INSR: variants seen among roughly 807,000 people sequenced by gnomAD.
INSR encodes the protein IR.
In INSR, 67 loss-of-function variants were observed where a neutral mutation model predicts 142.6. The observed-to-expected ratio is 0.47, with a 90% CI of 0.39 to 0.58. The LOEUF is 0.58. INSR is among the 20% of genes least tolerant of loss of function. INSR has a pLI of 0.00. For missense variants in INSR, 1,248 were observed against 1,833.2 expected, an observed-to-expected ratio of 0.68 and a Z score of 5.83; for synonymous variants, 756 against 743.1, an observed-to-expected ratio of 1.02 and a Z score of -0.28.
intron 11 of INSR, among the ~76,000 whole-genome samples, chr19:7,149,936 A>AGAAGGAAGGAAGGAAGGAAGGAAG (rs71177162): frequency 9.4e-4 from 135 of 144,260 alleles, no homozygotes; most frequent in African/African-American, 3.3e-3. Context: ...AAAAAAAGAA[A>AGAAGGAAGGAAGGAAGGAAGGAAG]GAAGGAAGGA....
intron 2 of INSR, among the ~76,000 whole-genome samples, chr19:7,262,333 G>A (rs1265917188): frequency 5.3e-5 from 8 of 152,170 alleles, no homozygotes; most frequent in Non-Finnish European, 1.0e-4. Context: ...TTAACTGGGC[G>A]TGGTGGCAGG....
Position 7,125,576 on chromosome 19 carries a change from C to A in INSR, c.3014-49G>T, listed in dbSNP as rs571513918. The A allele has an allele frequency of 6.2e-7, 1 of 1,605,536 alleles. No homozygotes were observed. Among genetic ancestry groups the A allele is most frequent in the South Asian group, 1.1e-5 (1 of 90,836 alleles). ...CATCCTTGGAGGATCCCTTGGGGGT[C>A]TGCAGCCACCTTCCACCCAAGCCCT... On this transcript the variant is annotated intron_variant, in intron 16 of 21. Coordinates refer to ENST00000302850, the MANE Select transcript of INSR (RefSeq NM_000208.4). The surrounding 1 kb of genome is among the most constrained non-coding windows in gnomAD (Gnocchi z 4.9).
intron 6 of INSR, among the ~76,000 whole-genome samples, chr19:7,170,067 C>T (rs890439334): frequency 3.3e-5 from 5 of 152,096 alleles, no homozygotes; most frequent in African/African-American, 1.2e-4. Flanking sequence ...CAGGGCTGTA[C>T]AGCAGGAGGT....
intron 1 of INSR, chr19:7,268,399 T>C: frequency 1.0e-6 from 1 of 983,056 alleles, no homozygotes. Context: ...AATCAAGACC[T>C]AATTACCTTT....
intron 2 of INSR, among the ~76,000 whole-genome samples, chr19:7,191,916 C>A (rs1421698731): frequency 3.4e-5 from 4 of 119,078 alleles, no homozygotes; most frequent in Non-Finnish European, 3.4e-5. Context: ...AAGAGAAAGA[C>A]AGAAAGAAGG....
chr19:7,174,799 C>G, intron 3 of INSR, 68 bp from the exon 4 acceptor site: 1 of 1,477,044 alleles, frequency 6.8e-7, no homozygotes, highest in East Asian at 2.4e-5. Flanking sequence ...CAAGGTCCTT[C>G]AGACATCTCA....
At chr19:7,118,914 CAAAAAAAAAAAAA>C in intron 21 of INSR, among the ~76,000 whole-genome samples, 1 of 68,886 alleles carries the variant, frequency 1.5e-5, no homozygotes, top group East Asian at 4.1e-4. Flanking sequence ...GATTCCGTCT[CAAAAAAAAAAAAA>C]AAAAAAAAAA....
At chr19:7,215,778 T>C (rs942208723) in intron 2 of INSR, among the ~76,000 whole-genome samples, 1 of 151,594 alleles carries the variant, frequency 6.6e-6, no homozygotes, top group Non-Finnish European at 1.5e-5. Flanking sequence ...CATGTTGGCC[T>C]GGCTGGTCTC....
In INSR at chr19:7,119,550, G is replaced by A; in HGVS notation, c.3693C>T (p.Ser1231=). Residue 1231 remains serine (S), a synonymous_variant, in exon 21 of 22, where the codon AGC becomes AGT. Coordinates refer to ENST00000302850, the MANE Select transcript of INSR (RefSeq NM_000208.4). The surrounding 1 kb of genome is among the most constrained non-coding windows in gnomAD (Gnocchi z 5.2). The part of the protein sequence containing the change: ...SFGVVLWEIT[S]LAEQPYQGLS... ...GGCCTTGGTAAGGCTGTTCTGCCAA[G>A]CTGGTGATTTCCCAAAGGACCACGC... The A allele has an allele frequency of 6.2e-7, 1 of 1,614,134 alleles. No individual in the cohort carries two copies. Among genetic ancestry groups the A allele is most frequent in the Middle Eastern group, 1.7e-4 (1 of 6,058 alleles).
At chr19:7,165,666 C>T (rs573201412) in intron 8 of INSR, among the ~76,000 whole-genome samples, 1 of 152,012 alleles carries the variant, frequency 6.6e-6, no homozygotes, top group East Asian at 1.9e-4. Flanking sequence ...GGTTCAAGAC[C>T]AGCCTGGGTA....
intron 8 of INSR, among the ~76,000 whole-genome samples, chr19:7,165,351 A>G (rs969999254): frequency 2.6e-5 from 4 of 152,104 alleles, no homozygotes; most frequent in Non-Finnish European, 5.9e-5. Context: ...ACAACAAAAC[A>G]AAAAGAAGTA....
intron 2 of INSR, among the ~76,000 whole-genome samples, chr19:7,198,553 G>T (rs1974858077): frequency 6.6e-6 from 1 of 152,122 alleles, no homozygotes; most frequent in Admixed American, 6.5e-5. Flanking sequence ...GACTGCCGAG[G>T]GGCCCCCTGA....
chr19:7,140,300 T>C (rs1347030540), intron 13 of INSR, among the ~76,000 whole-genome samples: 1 of 152,232 alleles, frequency 6.6e-6, no homozygotes, highest in African/African-American at 2.4e-5. Context: ...TGGCAAACTC[T>C]GGCCCACCAA....
intron 3 of INSR, among the ~76,000 whole-genome samples, chr19:7,181,934 C>G (rs915980843): frequency 1.2e-4 from 18 of 152,168 alleles, no homozygotes; most frequent in Non-Finnish European, 2.6e-4. Flanking sequence ...TCAAGAACTC[C>G]TTCCCAGATA....
At chr19:7,236,266 C>CA (rs1976156742) in intron 2 of INSR, among the ~76,000 whole-genome samples, 1 of 151,948 alleles carries the variant, frequency 6.6e-6, no homozygotes, top group South Asian at 2.1e-4. Context: ...CTGGCCTGCC[C>CA]ACTCCTTATA....
chr19:7,114,906 C>A lies in INSR; in HGVS notation c.*2150G>T, dbSNP rs1045128111. 4 of 63,820 alleles carry A rather than the reference C, an allele frequency of 6.3e-5. No homozygotes were observed. Among genetic ancestry groups the A allele is most frequent in the African/African-American group, 3.8e-4 (4 of 10,568 alleles). 4.0% of individuals were successfully genotyped at this position (63,820 alleles called of 1,614,324 possible). A position where few individuals can be genotyped will look rare whatever the true frequency, so the allele number is the denominator to read the frequency against. On this transcript the variant is annotated 3_prime_UTR_variant, in exon 22 of 22. Coordinates refer to ENST00000302850, the MANE Select transcript of INSR (RefSeq NM_000208.4). ...GAAGAGAACAAAATACCTAGTTCTACGTGTTTTTTTTTTAAATTTAGGTAC... is the reference window on the plus strand; with the variant it reads ...GAAGAGAACAAAATACCTAGTTCTAAGTGTTTTTTTTTTAAATTTAGGTAC...
At chr19:7,153,028 A>ACT in intron 9 of INSR, 101 bp from the exon 10 acceptor site, 1 of 441,552 alleles carries the variant, frequency 2.3e-6, no homozygotes, top group East Asian at 3.7e-5. Context: ...CACACACACC[A>ACT]CACACACACA....
In INSR at chr19:7,225,699, T is replaced by TCC. The variant is rs59132249; in HGVS notation, c.653-41064_653-41063dup. Among the ~76,000 whole-genome samples, 105 of 121,906 alleles carry TCC rather than the reference T, an allele frequency of 8.6e-4. 1 individual carries two copies. Among genetic ancestry groups the TCC allele is most frequent in the Middle Eastern group, 8.3e-3 (2 of 240 alleles). The allele number at this position is 121,906 out of a possible 152,430, so 80.0% of individuals were successfully genotyped here. A position where few individuals can be genotyped will look rare whatever the true frequency, so the allele number is the denominator to read the frequency against. On this transcript the variant is annotated intron_variant, in intron 2 of 21. Transcript: ENST00000302850. The surrounding 1 kb of genome is among the most constrained non-coding windows in gnomAD (Gnocchi z 4.7). ...TGATGATGGGCTCTTGGTTTCCATT[T>TCC]CCCCCCCCTCAAAAAAAGAGCAGAG...
chr19:7,244,311 T>C (rs1976460843), intron 2 of INSR, among the ~76,000 whole-genome samples: 1 of 152,172 alleles, frequency 6.6e-6, no homozygotes, highest in African/African-American at 2.4e-5. Context: ...AGTGGGCAGA[T>C]GACTTGAGGC....
Sources: gnomAD v4.1 joint callset for allele counts (sites outside exome capture counted in the v4.1 genomes callset) on GRCh38, gnomAD v4.1.1 for gene constraint, Gnocchi (gnomAD v3.1) non-coding constraint, MANE v1.5 for transcripts, NCBI Gene and HGNC (gene_info 2026-07-23, HGNC 2026-07-21) for gene names.